Variants in URB1 observed in about 807,000 individuals in gnomAD.
URB1 encodes the protein nucleolar pre-ribosomal-associated protein 1.
Under a neutral mutation model 242.3 loss-of-function variants are expected in URB1, and 197 were observed. The ratio of observed to expected loss-of-function variants is 0.81; its 90% CI spans 0.72 to 0.91. URB1 has a LOEUF of 0.91. URB1 is among the 40% of genes least tolerant of loss of function. The pLI is 0.00. For synonymous variants in URB1, 1,153 were observed against 1,201.8 expected (o/e 0.96, Z 0.84); for missense variants, 2,721 against 2,860.5 (o/e 0.95, Z 1.11).
At position 32,311,937 on chromosome 21, in the gene URB1, G is replaced by A. The variant is rs755085204; in HGVS notation, c.*2981C>T. ...ACTGACCCTCAATGGGGGTCCCCTC[G>A]TCAGGAGCAAGCCCAGCGAGCCTCC... On this transcript the variant is annotated 3_prime_UTR_variant, in exon 39 of 39. Transcript: ENST00000382751. 92 of 1,613,516 alleles carry A rather than the reference G, an allele frequency of 5.7e-5. 1 individual carries two copies. The East Asian group carries it at 1.4e-3, about 24-fold the overall frequency.
At chr21:32,337,678 GTTA>G (rs1601130679) in intron 26 of URB1, among the ~76,000 whole-genome samples, 164 bp from the exon 27 acceptor site, 1 of 151,542 alleles carries the variant, frequency 6.6e-6, no homozygotes, top group African/African-American at 2.4e-5. Flanking sequence ...TTATTTTTTT[GTTA>G]TTATTATTTT....
chr21:32,332,716 A>G (rs2032911243), intron 30 of URB1, among the ~76,000 whole-genome samples: 1 of 152,158 alleles, frequency 6.6e-6, no homozygotes, highest in Non-Finnish European at 1.5e-5. Flanking sequence ...CAACATCATT[A>G]GCCATTAGAA....
rs2033573694 is a variant in URB1 at position 32,385,479 on chromosome 21, C to T, written c.282+66G>A. On this transcript the variant is annotated intron_variant, in intron 2 of 38. Coordinates refer to ENST00000382751, the MANE Select transcript of URB1 (RefSeq NM_014825.3). ...AATGGAAATTTCTATCACATTTTTC[C>T]TCATCAAACTTAACAGCAGCATTAA... 4.0e-6 allele frequency: 6 copies of T among 1,503,314 alleles called. No individual in the cohort carries two copies. The South Asian group carries it at 7.8e-5, about 20-fold the overall frequency. The allele number at this position is 1,503,314 out of a possible 1,614,324, so 93.1% of individuals were successfully genotyped here. A position where few individuals can be genotyped will look rare whatever the true frequency, so the allele number is the denominator to read the frequency against.
intron 17 of URB1, among the ~76,000 whole-genome samples, chr21:32,354,337 A>C (rs1460314929): frequency 1.3e-5 from 2 of 152,234 alleles, no homozygotes; most frequent in African/African-American, 4.8e-5. Context: ...AATAGGTTGA[A>C]GTTTCCTCAA....
At chr21:32,385,007 A>AAAAG (rs56918578) in intron 2 of URB1, among the ~76,000 whole-genome samples, 2,661 of 151,016 alleles carry the variant, frequency 0.018, 31 homozygotes, top group African/African-American at 0.028. Context: ...AAAAGAAAAG[A>AAAAG]AAAGAAAGAA....
In URB1 at chr21:32,353,955, G is replaced by A; in HGVS notation, c.2394C>T (p.Leu798=). The A allele has an allele frequency of 6.4e-7, 1 of 1,551,712 alleles. No individual in the cohort carries two copies. The highest frequency in any genetic ancestry group is 8.7e-7 in the Non-Finnish European group (1 of 1,146,988). Reference sequence around the variant, plus strand: ...TACCTGCTTCATTGCCTGTCCCAAGGAGCAACTTATTCCTGGCTTCCAGGG... The same window carrying A: ...TACCTGCTTCATTGCCTGTCCCAAGAAGCAACTTATTCCTGGCTTCCAGGG... ...PAALEARNKL[L]LGTGNEAAEN... The change falls in exon 18 of 39, where the codon CTC becomes CTT. Residue 798 remains leucine, a synonymous_variant. Coordinates refer to ENST00000382751, the MANE Select transcript of URB1 (RefSeq NM_014825.3).
At position 32,316,444 on chromosome 21, in the gene URB1, C is replaced by G. The variant is rs538843308; in HGVS notation, c.6634+22G>C. 2.7e-6 allele frequency: 4 copies of G among 1,472,804 alleles called. No individual in the cohort carries two copies. In the African/African-American group the frequency reaches 4.2e-5, roughly 16 times the overall value. The allele number at this position is 1,472,804 out of a possible 1,614,324, so 91.2% of individuals were successfully genotyped here. ...ACTTCTGCATCTATTTCTTCAGCCTCCAACAAAAGAACCAGCCTTACCTTG... is the reference window on the plus strand; with the variant it reads ...ACTTCTGCATCTATTTCTTCAGCCTGCAACAAAAGAACCAGCCTTACCTTG... On this transcript the variant is annotated intron_variant, in intron 38 of 38. Coordinates refer to ENST00000382751, the MANE Select transcript of URB1 (RefSeq NM_014825.3).
intron 38 of URB1, among the ~76,000 whole-genome samples, chr21:32,315,686 T>C (rs958286108): frequency 3.3e-5 from 5 of 152,232 alleles, no homozygotes; most frequent in Non-Finnish European, 5.9e-5. Flanking sequence ...ATGCCAAGAA[T>C]GACAATGAAA....
At chr21:32,335,843 T>C (rs1179150677) in intron 28 of URB1, among the ~76,000 whole-genome samples, 4 of 152,216 alleles carry the variant, frequency 2.6e-5, no homozygotes, top group Admixed American at 6.5e-5. Flanking sequence ...CTGTGCCCCT[T>C]AGAGCCACAG....
In URB1 at chr21:32,355,532, A is replaced by G; in HGVS notation, c.2023T>C (p.Trp675Arg). 6.4e-7 allele frequency: 1 copy of G among 1,551,764 alleles called. No homozygotes were observed. Among genetic ancestry groups the G allele is most frequent in the Non-Finnish European group, 8.7e-7 (1 of 1,147,004 alleles). ...TCCAGCCAGAGCTCCAGCTCCTTCCAGGTGTGCTCAAACACCCCCGTGTCC... is the reference window on the plus strand; with the variant it reads ...TCCAGCCAGAGCTCCAGCTCCTTCCGGGTGTGCTCAAACACCCCCGTGTCC... ...LRDTGVFEHT[W>R]KELELWLEHL... Residue 675 changes from tryptophan (W) to arginine (R), a missense_variant, in exon 16 of 39, where the codon TGG becomes CGG. Trp to Arg is a moderately radical substitution (Grantham distance 101). Coordinates refer to ENST00000382751, the MANE Select transcript of URB1 (RefSeq NM_014825.3).
chr21:32,317,147 G>C, intron 37 of URB1, 82 bp from the exon 38 acceptor site: 1 of 1,439,594 alleles, frequency 6.9e-7, no homozygotes, highest in Non-Finnish European at 9.1e-7. Flanking sequence ...GTGTCAATGG[G>C]GGACACGAGG....
chr21:32,364,774 C>T (rs1408879601), intron 10 of URB1, among the ~76,000 whole-genome samples: 1 of 143,160 alleles, frequency 7.0e-6, no homozygotes, highest in Non-Finnish European at 1.6e-5. Context: ...GTTTTTTAGA[C>T]AAAACCATAA....
At position 32,333,320 on chromosome 21, in the gene URB1, G is replaced by C; in HGVS notation, c.4957C>G (p.Pro1653Ala). The stretch of plus-strand genomic sequence containing the variant: ...CCCAAGAGAAGACTGCAGTTACCTG[G>C]CCTGGTCAGCTCACTGAAGAGCTGA... ...LLQLFSELTRPEFVVDCRKFL... is the reference protein window; with the variant it reads ...LLQLFSELTRAEFVVDCRKFL... Residue 1653 changes from proline (P) to alanine (A), a missense_variant, in exon 30 of 39, where the codon CCA (proline) becomes GCA (alanine). Coordinates refer to ENST00000382751, the MANE Select transcript of URB1 (RefSeq NM_014825.3). 2.6e-6 allele frequency: 4 copies of C among 1,551,768 alleles called. No individual in the cohort carries two copies. The highest frequency in any genetic ancestry group is 3.5e-6 in the Non-Finnish European group (4 of 1,146,908).
At chr21:32,359,213 T>C (rs2123595734) in intron 14 of URB1, among the ~76,000 whole-genome samples, 1 of 152,346 alleles carries the variant, frequency 6.6e-6, no homozygotes, top group Admixed American at 6.5e-5. Flanking sequence ...TGCTTGATAA[T>C]GTTCCCTCCT....
intron 28 of URB1, among the ~76,000 whole-genome samples, chr21:32,335,854 T>G (rs1470713698): frequency 1.3e-5 from 2 of 152,230 alleles, no homozygotes; most frequent in Non-Finnish European, 2.9e-5. Context: ...AGAGCCACAG[T>G]GCCAGTGAGC....
At position 32,311,898 on chromosome 21, in the gene URB1, A is replaced by T. The variant is rs1245795862; in HGVS notation, c.*3020T>A. ...CCTCGGGGGTTTCCAGACCCACCCC[A>T]CTCTCCTCTGGGAACTGACCCTCAA... is the stretch of plus-strand genomic sequence containing the variant. On this transcript the variant is annotated 3_prime_UTR_variant, in exon 39 of 39. Transcript: ENST00000382751. 3 of 1,613,178 alleles carry T rather than the reference A, an allele frequency of 1.9e-6. No homozygotes were observed. In the African/African-American group the frequency reaches 4.0e-5, roughly 22 times the overall value.
Position 32,316,782 on chromosome 21 carries a change from C to T in URB1, c.6318G>A (p.Arg2106=), listed in dbSNP as rs2032693623. Residue 2106 remains arginine (R), a synonymous_variant, in exon 38 of 39, where the codon CGG becomes CGA. Transcript: ENST00000382751. ...AASLAVSWVL[R]SVAEHPLSRA... The stretch of plus-strand genomic sequence containing the variant: ...TGCTGAGCGGGTGCTCGGCCACCGA[C>T]CGCAGCACCCAACTGACTGCCAGGG... 4.5e-6 allele frequency: 7 copies of T among 1,549,334 alleles called. No homozygotes were observed. The highest frequency in any genetic ancestry group is 1.4e-5 in the African/African-American group (1 of 73,018).
chr21:32,341,633 T>C, intron 24 of URB1, 109 bp from the exon 25 acceptor site: 1 of 945,290 alleles, frequency 1.1e-6, no homozygotes. Context: ...ATGGCCTGAC[T>C]ACCTCCTCTG....
At position 32,357,619 on chromosome 21, in the gene URB1, G is replaced by A; in HGVS notation, c.1907C>T (p.Ser636Leu). 3 of 1,519,174 alleles carry A rather than the reference G, an allele frequency of 2.0e-6. No individual in the cohort carries two copies. Among genetic ancestry groups the A allele is most frequent in the East Asian group, 2.6e-5 (1 of 39,158 alleles). The allele number at this position is 1,519,174 out of a possible 1,614,324, so 94.1% of individuals were successfully genotyped here. Residue 636 changes from serine (S) to leucine (L), a missense_variant, in exon 15 of 39, where the codon TCA becomes TTA. Coordinates refer to ENST00000382751, the MANE Select transcript of URB1 (RefSeq NM_014825.3). Reference protein sequence around the residue: ...PDAEIIGGERSVFYLLMKMFV... With the variant: ...PDAEIIGGERLVFYLLMKMFV... Reference sequence around the variant, plus strand: ...CATTTTCATTAGTAAGTAAAATACTGATCGTTCACCTCCAATAATTTCTGC... The same window carrying A: ...CATTTTCATTAGTAAGTAAAATACTAATCGTTCACCTCCAATAATTTCTGC...
Sources: allele counts gnomAD v4.1 joint callset (sites outside exome capture counted in the v4.1 genomes callset), GRCh38; gene constraint gnomAD v4.1.1; transcripts MANE v1.5; gene names NCBI Gene and HGNC (gene_info 2026-07-23, HGNC 2026-07-21).